COL6A2: variants seen among roughly 807,000 people sequenced by gnomAD.
COL6A2 encodes collagen type VI alpha 2 chain.
Under a neutral mutation model 124.9 loss-of-function variants are expected in COL6A2, and 90 were observed. The observed-to-expected ratio is 0.72, with a 90% CI of 0.61 to 0.86. COL6A2 has a LOEUF of 0.86. Ranked by LOEUF, COL6A2 falls within the 40% of genes least tolerant of loss-of-function variation. The pLI is 0.00. For missense variants in COL6A2, 1,607 were observed against 1,502.5 expected (o/e 1.07, Z -1.15); for synonymous variants, 793 against 618.2 (o/e 1.28, Z -4.19).
chr21:46,099,967 T>A (rs2078271954), intron 1 of COL6A2, among the ~76,000 whole-genome samples: 1 of 149,276 alleles, frequency 6.7e-6, no homozygotes, highest in Non-Finnish European at 1.5e-5. Flanking sequence ...CTGCATGTCT[T>A]TGGTTTTTGT....
chr21:46,098,372 G>T (rs1056318550), intron 1 of COL6A2, among the ~76,000 whole-genome samples, 199 bp downstream of exon 1: 7 of 151,900 alleles, frequency 4.6e-5, no homozygotes, highest in Admixed American at 3.9e-4. Flanking sequence ...CTGTGGCTCC[G>T]CGTCTCTGGG....
At chr21:46,109,041 G>A (rs1394576723) in intron 1 of COL6A2, among the ~76,000 whole-genome samples, 1 of 152,186 alleles carries the variant, frequency 6.6e-6, no homozygotes, top group African/African-American at 2.4e-5. Context: ...TCAGCTCTCA[G>A]CAGAGAGAAG....
rs376527297 is a variant in COL6A2, at chr21:46,125,859, G to C, written c.2044G>C (p.Asp682His). 2 of 1,612,844 alleles carry C rather than the reference G, an allele frequency of 1.2e-6. No homozygotes were observed. Among genetic ancestry groups the C allele is most frequent in the African/African-American group, 2.7e-5 (2 of 74,878 alleles). The change falls in exon 26 of 28, where the codon GAC becomes CAC. Residue 682 changes from aspartate (D) to histidine (H), a missense_variant. Asp to His is a moderately conservative substitution (Grantham distance 81). This residue lies in a region of COL6A2 where 1,223 missense variants were observed against 1,052.2 expected (regional missense o/e 1.16). Coordinates refer to ENST00000300527, the MANE Select transcript of COL6A2 (RefSeq NM_001849.4). ...CATCCAGCTGGACGACGAACGTATC[G>C]ACTCCCTGTCGAGCTTCAAGGAGGC... is the stretch of plus-strand genomic sequence containing the variant. ...EAIQLDDERI[D>H]SLSSFKEAVK...
At position 46,124,601 on chromosome 21, in the gene COL6A2, G is replaced by A. The variant is rs751250824; in HGVS notation, c.1672-50G>A. 40 of 1,586,442 alleles carry A rather than the reference G, an allele frequency of 2.5e-5. 2 individuals carry two copies. The South Asian group carries it at 4.1e-4, about 16-fold the overall frequency. ...AGCACAGGGGGCCCTGCTGTGTGCA[G>A]GGACTGTCCCTGGGGCCACTGAAGC... is the stretch of plus-strand genomic sequence containing the variant. On this transcript the variant is annotated intron_variant, in intron 21 of 27. Coordinates refer to ENST00000300527, the MANE Select transcript of COL6A2 (RefSeq NM_001849.4).
Position 46,106,783 on chromosome 21 carries a change from A to C in COL6A2, c.-27-4667A>C, listed in dbSNP as rs528886639. On this transcript the variant is annotated intron_variant, in intron 1 of 27. Coordinates refer to ENST00000300527, the MANE Select transcript of COL6A2 (RefSeq NM_001849.4). ...GGAGTGTTGGCCTGTTCCAGCACCAAAACCAAAACTGTAATTTTATCGTTT... is the reference window on the plus strand; with the variant it reads ...GGAGTGTTGGCCTGTTCCAGCACCACAACCAAAACTGTAATTTTATCGTTT... Among the ~76,000 whole-genome samples the C allele has an allele frequency of 2.0e-5, 3 of 152,322 alleles. No homozygotes were observed. The South Asian group carries it at 6.2e-4, about 32-fold the overall frequency.
chr21:46,121,564 G>A lies in COL6A2; in HGVS notation c.1467G>A (p.Arg489=). 6.2e-7 allele frequency: 1 copy of A among 1,612,874 alleles called. No individual in the cohort carries two copies. The highest frequency in any genetic ancestry group is 8.5e-7 in the Non-Finnish European group (1 of 1,179,968). ...TTCTCTCCTGCCCTCAGGGATCTCG[G>A]GGAGACCCCGGTGATGCAGGACCCC... ...ALGEPGKQGS[R]GDPGDAGPRG... is the part of the protein sequence containing the mutation. The change falls in exon 18 of 28, where the codon CGG becomes CGA. Residue 489 remains arginine, a synonymous_variant. Coordinates refer to ENST00000300527, the MANE Select transcript of COL6A2 (RefSeq NM_001849.4).
chr21:46,125,707 C>T (rs2078652914), intron 25 of COL6A2, 78 bp from the exon 26 acceptor site: 3 of 1,593,314 alleles, frequency 1.9e-6, no homozygotes, highest in Non-Finnish European at 2.6e-6. Flanking sequence ...CGCGTCCCTC[C>T]AACGAGGGCC....
chr21:46,107,839 T>A (rs1409538216), intron 1 of COL6A2, among the ~76,000 whole-genome samples: 1 of 152,206 alleles, frequency 6.6e-6, no homozygotes, highest in Non-Finnish European at 1.5e-5. Context: ...TAAATGTATT[T>A]GATTGATGTC....
At chr21:46,126,263 G>A (rs534476111) in intron 26 of COL6A2, 26 bp downstream of exon 26, 28 of 1,596,018 alleles carry the variant, frequency 1.8e-5, no homozygotes, top group East Asian at 2.2e-5. Flanking sequence ...CGGGGCAGTC[G>A]GCCGAGGAGC....
intron 27 of COL6A2, among the ~76,000 whole-genome samples, chr21:46,131,740 G>A (rs960897425): frequency 1.3e-5 from 2 of 152,350 alleles, no homozygotes; most frequent in East Asian, 1.9e-4. Context: ...GGGAGCACCA[G>A]CAGAGGAGAT....
At chr21:46,125,665 C>T (rs367931108) in intron 25 of COL6A2, 48 bp downstream of exon 25, 36 of 1,590,148 alleles carry the variant, frequency 2.3e-5, no homozygotes, top group Middle Eastern at 1.7e-4. Context: ...CCGGGCGGGG[C>T]GTGGGAGGCG....
At chr21:46,129,681 G>A (rs964261170) in intron 27 of COL6A2, 20 of 1,418,328 alleles carry the variant, frequency 1.4e-5, no homozygotes, top group East Asian at 2.5e-5. Context: ...GTCCCTTGCT[G>A]CGGCTGCATC....
intron 1 of COL6A2, among the ~76,000 whole-genome samples, chr21:46,109,844 G>A (rs2078375719): frequency 6.6e-6 from 1 of 152,220 alleles, no homozygotes. Context: ...CTCCCCAAGA[G>A]TGCAGCGATG....
chr21:46,115,144 GTGACCCGTTC>G (rs1175377133), intron 5 of COL6A2, among the ~76,000 whole-genome samples: 1 of 152,244 alleles, frequency 6.6e-6, no homozygotes, highest in Non-Finnish European at 1.5e-5. Context: ...CAGCAGTGCA[GTGACCCGTTC>G]TGTTGGGGGG....
At chr21:46,102,363 C>T (rs778787169) in intron 1 of COL6A2, among the ~76,000 whole-genome samples, 1 of 151,978 alleles carries the variant, frequency 6.6e-6, no homozygotes, top group Non-Finnish European at 1.5e-5. Context: ...TATTTCTTTC[C>T]AATTTGAATG....
Position 46,122,165 on chromosome 21 carries a change from C to G in COL6A2, c.1572+7C>G. 3 of 1,612,376 alleles carry G rather than the reference C, an allele frequency of 1.9e-6. No individual in the cohort carries two copies. The highest frequency in any genetic ancestry group is 1.1e-5 in the South Asian group (1 of 90,936). On this transcript the variant is annotated splice_region_variant and intron_variant, in intron 19 of 27. Transcript: ENST00000300527. ...AGGACCCCGAGGAGCACCCGTGAGT[C>G]ACAGCCTGGGATGGCAGCTCCCAGG...
At chr21:46,117,654 G>A (rs2078493624) in intron 11 of COL6A2, 5 of 736,820 alleles carry the variant, frequency 6.8e-6, no homozygotes, top group South Asian at 1.6e-5. Flanking sequence ...GCGGATCCCC[G>A]TGGCCTGGAG....
chr21:46,126,575 C>G (rs765972913), intron 27 of COL6A2, 34 bp downstream of exon 27: 13 of 1,612,718 alleles, frequency 8.1e-6, no homozygotes, highest in Admixed American at 6.7e-5. Flanking sequence ...CCACCCCAGA[C>G]TAGCAAAGCA....
At chr21:46,118,530 C>CGT in intron 12 of COL6A2, 84 bp from the exon 13 acceptor site, 1 of 1,341,250 alleles carries the variant, frequency 7.5e-7, no homozygotes, top group South Asian at 1.2e-5. Context: ...CAAGCCCGAC[C>CGT]GTGGGTCCTG....
Sources: gnomAD v4.1 joint callset for allele counts (sites outside exome capture counted in the v4.1 genomes callset) on GRCh38, gnomAD v4.1.1 for gene constraint, gnomAD v4.1.1 regional missense constraint, MANE v1.5 for transcripts, NCBI Gene and HGNC (gene_info 2026-07-23, HGNC 2026-07-21) for gene names.